Variants in DPP10 observed in about 807,000 individuals in gnomAD.
The protein encoded by DPP10 is dipeptidyl peptidase like 10, also known as inactive dipeptidyl peptidase 10.
DPP10 carries 33 observed loss-of-function variants against 120.9 expected under a neutral mutation model. The observed-to-expected ratio is 0.27, with a 90% CI of 0.21 to 0.37. The LOEUF (loss-of-function observed/expected upper bound fraction) is 0.37. Among genes scored for constraint, DPP10 ranks in the 10% least tolerant of loss-of-function variants. The pLI is 1.00. For synonymous variants in DPP10, 337 were observed against 326.1 expected (o/e 1.03, Z -0.36); for missense variants, 816 against 942.8 (o/e 0.87, Z 1.76).
At chr2:114,500,307 G>T (rs1449504295) in intron 1 of DPP10, among the ~76,000 whole-genome samples, 1 of 152,194 alleles carries the variant, frequency 6.6e-6, no homozygotes, top group African/African-American at 2.4e-5. Flanking sequence ...TCCCAGAAGA[G>T]AATTTGCGGA....
chr2:114,572,958 T>C (rs1470559928), intron 1 of DPP10, among the ~76,000 whole-genome samples: 1 of 152,142 alleles, frequency 6.6e-6, no homozygotes, highest in Non-Finnish European at 1.5e-5. Flanking sequence ...CAAACAAGTG[T>C]ATTTTACTTT....
intron 3 of DPP10, among the ~76,000 whole-genome samples, chr2:115,371,061 A>G (rs1302247311): frequency 1.3e-5 from 2 of 152,178 alleles, no homozygotes; most frequent in African/African-American, 4.8e-5. Context: ...GCCTAAATGA[A>G]TATTATAGTG....
intron 1 of DPP10, among the ~76,000 whole-genome samples, chr2:114,929,182 G>C (rs888946849): frequency 6.6e-6 from 1 of 152,076 alleles, no homozygotes; most frequent in Non-Finnish European, 1.5e-5. Flanking sequence ...ATGCTTGAAC[G>C]GACAATACAA....
chr2:115,669,564 T>C (rs1455787802), intron 5 of DPP10, among the ~76,000 whole-genome samples: 1 of 152,132 alleles, frequency 6.6e-6, no homozygotes, highest in African/African-American at 2.4e-5. Flanking sequence ...CATATCTTTA[T>C]TTATTTTTCT....
chr2:114,460,689 T>C (rs1678854878), intron 1 of DPP10, among the ~76,000 whole-genome samples: 1 of 152,206 alleles, frequency 6.6e-6, no homozygotes. Context: ...GTAAGCTTTG[T>C]AGCTTAGTTT....
intron 1 of DPP10, among the ~76,000 whole-genome samples, chr2:114,450,771 T>G (rs1052149972): frequency 6.6e-6 from 1 of 151,840 alleles, no homozygotes; most frequent in Admixed American, 6.6e-5. Context: ...TTTTTCTACA[T>G]TAAGGAAGTC....
At chr2:115,803,790 C>T (rs191655366) in intron 19 of DPP10, among the ~76,000 whole-genome samples, 3 of 152,074 alleles carry the variant, frequency 2.0e-5, no homozygotes, top group Non-Finnish European at 4.4e-5. Context: ...GAGTTTCTGC[C>T]GAGAGATCCG....
At chr2:115,547,016 T>C (rs890088471) in intron 5 of DPP10, among the ~76,000 whole-genome samples, 3 of 152,182 alleles carry the variant, frequency 2.0e-5, no homozygotes, top group African/African-American at 4.8e-5. Context: ...GCTATGAGCC[T>C]GGCCTTTGAA....
intron 3 of DPP10, among the ~76,000 whole-genome samples, chr2:115,385,418 C>A (rs541097822): frequency 6.6e-6 from 1 of 151,244 alleles, no homozygotes; most frequent in Admixed American, 6.6e-5. Context: ...TGCAGTGGCA[C>A]AATCTTGCCT....
At chr2:115,175,030 T>C (rs919910066) in intron 1 of DPP10, among the ~76,000 whole-genome samples, 2 of 152,226 alleles carry the variant, frequency 1.3e-5, no homozygotes, top group Non-Finnish European at 2.9e-5. Flanking sequence ...TTGAAGGATT[T>C]AGCAAAATGA....
intron 1 of DPP10, among the ~76,000 whole-genome samples, chr2:114,822,824 G>A (rs1391849482): frequency 6.6e-6 from 1 of 152,108 alleles, no homozygotes; most frequent in Non-Finnish European, 1.5e-5. Flanking sequence ...TCTCTTTGCA[G>A]AGCAAGAATG....
rs188764872 is a variant in DPP10, at chr2:114,476,993, C to A, written c.60+34155C>A. Among the ~76,000 whole-genome samples the A allele has an allele frequency of 1.4e-3, 220 of 151,740 alleles. 2 individuals carry two copies. In the East Asian group the frequency reaches 0.023, roughly 16 times the overall value. ...TTTTTTTTTGAGTCAGAGTTTCACTCTGTTGCCCAGGCTGGAGTGCAGTGG... is the reference window on the plus strand; with the variant it reads ...TTTTTTTTTGAGTCAGAGTTTCACTATGTTGCCCAGGCTGGAGTGCAGTGG... On this transcript the variant is annotated intron_variant, in intron 1 of 25. Transcript: ENST00000410059.
At chr2:115,225,043 T>G (rs1574072423) in intron 1 of DPP10, among the ~76,000 whole-genome samples, 1 of 152,292 alleles carries the variant, frequency 6.6e-6, no homozygotes, top group African/African-American at 2.4e-5. Flanking sequence ...TAGGAGATAG[T>G]CCATAGGTCT....
chr2:115,164,826 C>T (rs930702180), intron 1 of DPP10, among the ~76,000 whole-genome samples: 1 of 152,214 alleles, frequency 6.6e-6, no homozygotes, highest in Non-Finnish European at 1.5e-5. Flanking sequence ...AGGACATGCC[C>T]TCCCTCCCTA....
chr2:114,834,279 A>T (rs144483344), intron 1 of DPP10, among the ~76,000 whole-genome samples: 3,806 of 134,994 alleles, frequency 0.028, no homozygotes, highest in Middle Eastern at 0.047. Context: ...ACACCTATGT[A>T]TATATAAGCC....
At chr2:115,190,533 A>G (rs2054802016) in intron 1 of DPP10, among the ~76,000 whole-genome samples, 1 of 152,098 alleles carries the variant, frequency 6.6e-6, no homozygotes, top group Non-Finnish European at 1.5e-5. Context: ...GTTTCACTGC[A>G]CCCTGTTAAG....
At chr2:114,766,078 A>G (rs148108463) in intron 1 of DPP10, among the ~76,000 whole-genome samples, 1,582 of 152,154 alleles carry the variant, frequency 0.01, 17 homozygotes, top group Middle Eastern at 0.02. Context: ...TAAAATTATT[A>G]TATACAGAAT....
intron 1 of DPP10, among the ~76,000 whole-genome samples, chr2:115,159,834 C>T (rs748196681): frequency 3.3e-5 from 5 of 152,084 alleles, no homozygotes; most frequent in Non-Finnish European, 7.4e-5. Flanking sequence ...GATGCAAATT[C>T]AACAGTTGAA....
At chr2:115,788,807 C>T (rs1683612561) in intron 17 of DPP10, among the ~76,000 whole-genome samples, 3 of 152,090 alleles carry the variant, frequency 2.0e-5, no homozygotes, top group Non-Finnish European at 4.4e-5. Context: ...ACCAAGTTTA[C>T]ACAAACTCTT....
Sources: gnomAD v4.1 joint callset for allele counts (sites outside exome capture counted in the v4.1 genomes callset) on GRCh38, gnomAD v4.1.1 for gene constraint, MANE v1.5 for transcripts, NCBI Gene and HGNC (gene_info 2026-07-23, HGNC 2026-07-21) for gene names.